Variants in PDSS2 observed in about 807,000 individuals in gnomAD.
PDSS2 encodes the protein all trans-polyprenyl-diphosphate synthase PDSS2.
A neutral mutation model predicts 44.5 loss-of-function variants in PDSS2; 31 were observed. The observed-to-expected ratio is 0.70, with a 90% CI of 0.52 to 0.94. PDSS2 has a LOEUF of 0.94. PDSS2 is among the 40% of genes least tolerant of loss of function. PDSS2 has a pLI of 0.00. For missense variants in PDSS2, 452 were observed against 482.2 expected, an observed-to-expected ratio of 0.94 and a Z score of 0.59; for synonymous variants, 157 against 180.3, an observed-to-expected ratio of 0.87 and a Z score of 1.03.
intron 1 of PDSS2, among the ~76,000 whole-genome samples, chr6:107,439,089 A>G (rs1781440330): frequency 1.3e-5 from 2 of 152,220 alleles, no homozygotes; most frequent in Admixed American, 1.3e-4. Flanking sequence ...ATTATGAGAC[A>G]AAGACATACT....
At chr6:107,190,683 G>A (rs536766487) in intron 7 of PDSS2, among the ~76,000 whole-genome samples, 1 of 152,296 alleles carries the variant, frequency 6.6e-6, no homozygotes, top group South Asian at 2.1e-4. Flanking sequence ...TGAGCAGAGG[G>A]AGCCAGATAA....
intron 3 of PDSS2, among the ~76,000 whole-genome samples, chr6:107,267,807 G>C (rs920962947): frequency 1.3e-5 from 2 of 150,698 alleles, no homozygotes; most frequent in Non-Finnish European, 3.0e-5. Flanking sequence ...TGCCCAGGCT[G>C]GTCTCCAACT....
chr6:107,382,092 T>C (rs993460117), intron 1 of PDSS2, among the ~76,000 whole-genome samples: 7 of 152,214 alleles, frequency 4.6e-5, no homozygotes, highest in Non-Finnish European at 1.0e-4. Context: ...TTCCCTTCAC[T>C]GCACTATTTT....
At chr6:107,160,733 A>C (rs1437625189) in intron 7 of PDSS2, among the ~76,000 whole-genome samples, 1 of 151,462 alleles carries the variant, frequency 6.6e-6, no homozygotes, top group Non-Finnish European at 1.5e-5. Flanking sequence ...GTTTGAGCAA[A>C]GGCACAAAGG....
intron 7 of PDSS2, among the ~76,000 whole-genome samples, chr6:107,173,348 C>A (rs577958886): frequency 6.6e-6 from 1 of 151,384 alleles, no homozygotes; most frequent in Non-Finnish European, 1.5e-5. Context: ...CCGAGGCGGG[C>A]GGATCACCTG....
intron 3 of PDSS2, among the ~76,000 whole-genome samples, chr6:107,252,138 C>G (rs1037001257): frequency 6.6e-6 from 1 of 152,158 alleles, no homozygotes; most frequent in Non-Finnish European, 1.5e-5. Flanking sequence ...ACTCACCCAC[C>G]ACCTGGGCAC....
chr6:107,388,766 A>T (rs1342618580), intron 1 of PDSS2, among the ~76,000 whole-genome samples: 3 of 152,144 alleles, frequency 2.0e-5, no homozygotes, highest in Admixed American at 1.3e-4. Flanking sequence ...CCATATGTGA[A>T]TTTTTATGGC....
chr6:107,434,412 AT>A (rs1427251674), intron 1 of PDSS2, among the ~76,000 whole-genome samples: 1 of 152,250 alleles, frequency 6.6e-6, no homozygotes, highest in East Asian at 1.9e-4. Context: ...ACAATGGAGT[AT>A]TTATTCAGTC....
At chr6:107,429,903 T>TATATATATATATATATATATAC (rs1781132022) in intron 1 of PDSS2, among the ~76,000 whole-genome samples, 1 of 15,722 alleles carries the variant, frequency 6.4e-5, no homozygotes, top group Non-Finnish European at 1.1e-4. Context: ...AAAAAAAAAA[T>TATATATATATATATATATATAC]ATATATATAT....
At chr6:107,314,736 CT>C (rs1463318440) in intron 2 of PDSS2, among the ~76,000 whole-genome samples, 2 of 152,184 alleles carry the variant, frequency 1.3e-5, no homozygotes, top group African/African-American at 4.8e-5. Context: ...CCATTATGCC[CT>C]GAAAAAATTA....
intron 1 of PDSS2, among the ~76,000 whole-genome samples, chr6:107,433,954 A>T (rs1423241503): frequency 6.6e-6 from 1 of 152,222 alleles, no homozygotes; most frequent in Non-Finnish European, 1.5e-5. Context: ...TTGATCTTAA[A>T]GTGGGCAAAA....
Position 107,280,237 on chromosome 6 carries a change from T to A in PDSS2, c.432-6010A>T, listed in dbSNP as rs371937981. ...ATGATGTCCAGCTAAGTTTTTTGTA[T>A]TTTTAGTAGAGACAGGGTTTCACCA... On this transcript the variant is annotated intron_variant, in intron 2 of 7. Coordinates refer to ENST00000369037, the MANE Select transcript of PDSS2 (RefSeq NM_020381.4). Among the ~76,000 whole-genome samples, 60 of 152,264 alleles carry A rather than the reference T, an allele frequency of 3.9e-4. No homozygotes were observed. The East Asian group carries it at 5.8e-3, about 15-fold the overall frequency.
At chr6:107,346,241 T>C (rs1381037520) in intron 1 of PDSS2, among the ~76,000 whole-genome samples, 1 of 152,318 alleles carries the variant, frequency 6.6e-6, no homozygotes, top group East Asian at 1.9e-4. Context: ...ATTTGCTCTA[T>C]CCTAGCAGGA....
intron 3 of PDSS2, 47 bp from the exon 4 acceptor site, chr6:107,245,666 T>C (rs750446063): frequency 2.6e-6 from 3 of 1,168,054 alleles, no homozygotes; most frequent in South Asian, 2.8e-5. Context: ...TAAATATATC[T>C]CTATTGTTAC....
intron 1 of PDSS2, among the ~76,000 whole-genome samples, chr6:107,363,991 A>G (rs1778872983): frequency 6.6e-6 from 1 of 151,372 alleles, no homozygotes; most frequent in Admixed American, 6.6e-5. Flanking sequence ...CGATTGGTGT[A>G]TTTGCAATCC....
intron 3 of PDSS2, among the ~76,000 whole-genome samples, chr6:107,272,080 G>GAAACAAAAAAAAAAAAAA (rs1775619421): frequency 8.7e-6 from 1 of 114,550 alleles, no homozygotes; most frequent in Non-Finnish European, 1.9e-5. Context: ...TAAAAAAAAA[G>GAAACAAAAAAAAAAAAAA]AAACAAAAAA....
At chr6:107,209,115 G>A (rs1773109947) in intron 6 of PDSS2, among the ~76,000 whole-genome samples, 1 of 152,064 alleles carries the variant, frequency 6.6e-6, no homozygotes, top group Non-Finnish European at 1.5e-5. Flanking sequence ...TCCTTGTCAA[G>A]TATATTGATT....
chr6:107,171,369 C>T (rs1479301449), intron 7 of PDSS2, among the ~76,000 whole-genome samples: 1 of 151,746 alleles, frequency 6.6e-6, no homozygotes, highest in Admixed American at 6.6e-5. Flanking sequence ...CCATGTTGCC[C>T]AGAGGCTGAT....
chr6:107,206,393 T>C (rs888638925), intron 6 of PDSS2, among the ~76,000 whole-genome samples: 3 of 152,180 alleles, frequency 2.0e-5, no homozygotes, highest in Non-Finnish European at 4.4e-5. Flanking sequence ...GAGATAAATA[T>C]TTTTCTTATA....
Sources: allele counts gnomAD v4.1 joint callset (sites outside exome capture counted in the v4.1 genomes callset), GRCh38; gene constraint gnomAD v4.1.1; transcripts MANE v1.5; gene names NCBI Gene and HGNC (gene_info 2026-07-23, HGNC 2026-07-21).